The following OPN5 variants were observed in gnomAD, a reference collection of about 807,000 sequenced individuals.
OPN5 encodes opsin-5.
Under a neutral mutation model 41.7 loss-of-function variants are expected in OPN5, and 18 were observed. That is an observed-to-expected ratio of 0.43 (90% CI 0.30 to 0.64). The LOEUF (loss-of-function observed/expected upper bound fraction) is 0.64, where lower values mean the gene tolerates loss of function less well. Among genes scored for constraint, OPN5 ranks in the 30% least tolerant of loss-of-function variants. The pLI, the probability that OPN5 is intolerant of heterozygous loss-of-function variation, is 0.13. For synonymous variants in OPN5, 178 were observed against 164.3 expected (o/e 1.08, Z -0.64); for missense variants, 318 against 434.5 (o/e 0.73, Z 2.38).
At chr6:47,791,298 T>TA (rs75693501) in intron 2 of OPN5, among the ~76,000 whole-genome samples, 67,121 of 149,548 alleles carry the variant, frequency 0.45, 16,679 homozygotes, top group East Asian at 0.86. Flanking sequence ...CTATTTCTGG[T>TA]AAAAAAAAAA....
At chr6:47,819,336 A>AATATTATATATAT (rs1554141973) in intron 6 of OPN5, among the ~76,000 whole-genome samples, 1 of 24,328 alleles carries the variant, frequency 4.1e-5, no homozygotes, top group Admixed American at 6.7e-4. Flanking sequence ...GAAAATTAGG[A>AATATTATATATAT]ATATATATAT....
chr6:47,822,141 T>G (rs1762646087), intron 6 of OPN5, among the ~76,000 whole-genome samples: 1 of 151,552 alleles, frequency 6.6e-6, no homozygotes, highest in Admixed American at 6.6e-5. Flanking sequence ...CAGGTGATTC[T>G]TATTCCAGGT....
intron 6 of OPN5, among the ~76,000 whole-genome samples, chr6:47,818,039 T>A (rs1423099776): frequency 6.6e-6 from 1 of 152,152 alleles, no homozygotes; most frequent in Non-Finnish European, 1.5e-5. Context: ...GATTGACTAC[T>A]TAGAGCTAAT....
At chr6:47,818,788 T>C (rs1472353907) in intron 6 of OPN5, among the ~76,000 whole-genome samples, 1 of 152,166 alleles carries the variant, frequency 6.6e-6, no homozygotes, top group Admixed American at 6.5e-5. Context: ...TGGGAAATTA[T>C]GTAGACTTCA....
downstream of OPN5, chr6:47,825,276 G>T (rs1184970089): frequency 1.3e-5 from 2 of 152,196 alleles, no homozygotes; most frequent in Admixed American, 1.3e-4. Context: ...AAATATGCAA[G>T]TACCTTTAAT....
chr6:47,786,213 T>C (rs1159924), intron 1 of OPN5, among the ~76,000 whole-genome samples: 124,542 of 152,176 alleles, frequency 0.82, 51,133 homozygotes, highest in East Asian at 0.93. Context: ...AGTACTCCAC[T>C]CTGGGGGCCA....
intron 4 of OPN5, among the ~76,000 whole-genome samples, chr6:47,800,158 C>T (rs969236078): frequency 6.6e-6 from 1 of 152,184 alleles, no homozygotes; most frequent in African/African-American, 2.4e-5. Context: ...TCCTTCCTGC[C>T]TGCTGCACAA....
chr6:47,809,465 A>T (rs1307148425), intron 5 of OPN5, among the ~76,000 whole-genome samples: 1 of 152,204 alleles, frequency 6.6e-6, no homozygotes, highest in Non-Finnish European at 1.5e-5. Context: ...CACAAATAAA[A>T]GGTGGTATTA....
chr6:47,789,807 T>C (rs746435708), intron 2 of OPN5, among the ~76,000 whole-genome samples: 16 of 152,130 alleles, frequency 1.1e-4, no homozygotes, highest in Non-Finnish European at 2.1e-4. Flanking sequence ...AGGCTGTGAA[T>C]GTCAGTTACT....
intron 4 of OPN5, among the ~76,000 whole-genome samples, chr6:47,799,357 A>G (rs1773684388): frequency 6.6e-6 from 1 of 152,166 alleles, no homozygotes; most frequent in African/African-American, 2.4e-5. Context: ...GTCAAGATAA[A>G]TTCAGTGAAA....
At chr6:47,820,763 A>G (rs1475714488) in intron 6 of OPN5, among the ~76,000 whole-genome samples, 2 of 152,172 alleles carry the variant, frequency 1.3e-5, no homozygotes, top group South Asian at 2.1e-4. Flanking sequence ...GGAAAAACAA[A>G]TAAGAAAGTA....
chr6:47,795,382 C>A (rs1773514834), exon 4 of OPN5: 1 of 1,613,992 alleles, frequency 6.2e-7, no homozygotes, highest in Non-Finnish European at 8.5e-7. Context: ...CTGGCCCAGG[C>A]CTCGGTAGGG....
In OPN5 at chr6:47,782,046, C is replaced by G; in HGVS notation, c.-21C>G. ...ATCTCTACTGGTTTGCTTTTCAGAT[C>G]CCTCGTGGTTCGAGAACAGAATGGC... On this transcript the variant is annotated 5_prime_UTR_variant, in exon 1 of 7. It adds an upstream start codon to the 5' untranslated region. Coordinates refer to ENST00000371211, the Ensembl canonical transcript of OPN5. The G allele has an allele frequency of 6.2e-7, 1 of 1,608,018 alleles. No individual in the cohort carries two copies. Among genetic ancestry groups the G allele is most frequent in the South Asian group, 1.1e-5 (1 of 90,356 alleles).
exon 1 of OPN5, chr6:47,782,050 C>T (rs773373815): frequency 6.8e-6 from 11 of 1,610,806 alleles, no homozygotes; most frequent in South Asian, 1.1e-5. Context: ...TCAGATCCCT[C>T]GTGGTTCGAG....
At chr6:47,795,453 G>T in exon 4 of OPN5, 1 of 1,614,000 alleles carries the variant, frequency 6.2e-7, no homozygotes, top group Non-Finnish European at 8.5e-7. Flanking sequence ...GGCTGTGATC[G>T]TGTTCTCCTA....
chr6:47,783,870 G>A (rs1453936179), intron 1 of OPN5, among the ~76,000 whole-genome samples: 1 of 152,096 alleles, frequency 6.6e-6, no homozygotes, highest in African/African-American at 2.4e-5. Flanking sequence ...CACTTTCAAG[G>A]AATGAATTAA....
exon 7 of OPN5, chr6:47,824,346 A>C: frequency 3.1e-6 from 1 of 326,146 alleles, no homozygotes; most frequent in Non-Finnish European, 5.7e-6. Context: ...CAAGGAGATC[A>C]GGCTGTGTCT....
chr6:47,825,743 AT>A (rs200303765), downstream of OPN5: 3 of 152,052 alleles, frequency 2.0e-5, no homozygotes, highest in African/African-American at 7.2e-5. Context: ...CTATTCCCCT[AT>A]TTTTTCTGTA....
chr6:47,810,169 G>A (rs547789366), intron 5 of OPN5, among the ~76,000 whole-genome samples: 11 of 152,190 alleles, frequency 7.2e-5, no homozygotes, highest in Non-Finnish European at 1.3e-4. Context: ...TGCTGGAGGA[G>A]GACAGGGCTA....
Sources: gnomAD v4.1 joint callset for allele counts (sites outside exome capture counted in the v4.1 genomes callset) on GRCh38, gnomAD v4.1.1 for gene constraint, MANE v1.5 for transcripts, NCBI Gene and HGNC (gene_info 2026-07-23, HGNC 2026-07-21) for gene names.